The following LARGE1 variants were observed in gnomAD, a reference collection of about 807,000 sequenced individuals.
LARGE1 encodes the protein LARGE xylosyl- and glucuronyltransferase 1.
LARGE1 carries 43 observed loss-of-function variants against 87.6 expected under a neutral mutation model. The observed-to-expected ratio is 0.49, with a 90% CI of 0.38 to 0.63. The LOEUF (loss-of-function observed/expected upper bound fraction) is 0.63. Among genes scored for constraint, LARGE1 ranks in the 30% least tolerant of loss-of-function variants. The pLI is 0.00. For missense variants in LARGE1, 802 were observed against 1,000.2 expected, an observed-to-expected ratio of 0.80 and a Z score of 2.67; for synonymous variants, 434 against 394.6, an observed-to-expected ratio of 1.10 and a Z score of -1.18.
chr22:33,449,722 G>A (rs1232818896), intron 6 of LARGE1, among the ~76,000 whole-genome samples: 1 of 152,210 alleles, frequency 6.6e-6, no homozygotes, highest in Non-Finnish European at 1.5e-5. Flanking sequence ...TTCGAGGAGA[G>A]CAATCAATTG....
the LARGE1 span, among the ~76,000 whole-genome samples, chr22:33,091,120 C>A: frequency 6.6e-6 from 1 of 152,154 alleles, no homozygotes; most frequent in African/African-American, 2.4e-5. Context: ...TTCTGCAAGC[C>A]GATCAACTCC....
intron 1 of LARGE1, among the ~76,000 whole-genome samples, chr22:33,832,735 C>T (rs577577851): frequency 6.6e-6 from 1 of 152,350 alleles, no homozygotes; most frequent in Non-Finnish European, 1.5e-5. Flanking sequence ...ACCGGTCCAG[C>T]TCAGCAGGCA....
At chr22:33,785,266 T>C (rs1033025395) in intron 1 of LARGE1, among the ~76,000 whole-genome samples, 18 of 151,902 alleles carry the variant, frequency 1.2e-4, no homozygotes, top group Admixed American at 3.9e-4. Context: ...TGTGTATATG[T>C]GCATATGTGT....
chr22:33,799,807 TTG>T (rs1003177652), intron 1 of LARGE1, among the ~76,000 whole-genome samples: 6 of 152,084 alleles, frequency 3.9e-5, no homozygotes, highest in African/African-American at 1.4e-4. Flanking sequence ...GAAGAAGACT[TTG>T]TGTATTGGTA....
intron 3 of LARGE1, among the ~76,000 whole-genome samples, chr22:33,638,220 G>A (rs1731428719): frequency 6.6e-6 from 1 of 152,184 alleles, no homozygotes; most frequent in South Asian, 2.1e-4. Context: ...AATAGAAAAA[G>A]TGCATTAAAA....
chr22:33,687,119 G>C (rs1328499338), intron 2 of LARGE1, among the ~76,000 whole-genome samples: 1 of 150,706 alleles, frequency 6.6e-6, no homozygotes, highest in Admixed American at 6.6e-5. Flanking sequence ...TCAGATCTTT[G>C]CTTGGCTTCC....
intron 2 of LARGE1, among the ~76,000 whole-genome samples, chr22:33,716,829 T>C (rs2082923111): frequency 6.6e-6 from 1 of 152,202 alleles, no homozygotes; most frequent in Admixed American, 6.5e-5. Flanking sequence ...TGTTGGCTCA[T>C]AGTTGAAGAC....
At chr22:33,913,225 C>T (rs763516552) in intron 1 of LARGE1, among the ~76,000 whole-genome samples, 29 of 152,202 alleles carry the variant, frequency 1.9e-4, no homozygotes, top group Non-Finnish European at 8.8e-5. Context: ...ATTATAAAAA[C>T]TCAGAATCCT....
intron 1 of LARGE1, among the ~76,000 whole-genome samples, chr22:33,794,278 T>G (rs2085914405): frequency 6.6e-6 from 1 of 152,316 alleles, no homozygotes; most frequent in South Asian, 2.1e-4. Context: ...CTGAGTCTGA[T>G]TCTTCTCAGG....
At position 33,700,848 on chromosome 22, in the gene LARGE1, T is replaced by C. The variant is rs139673252; in HGVS notation, c.107-50180A>G. ...GCAATCTGCAGTAGTTTAGGTACCTTTTAAGCTTGTAGGAAAGGTTGACAA... is the reference window on the plus strand; with the variant it reads ...GCAATCTGCAGTAGTTTAGGTACCTCTTAAGCTTGTAGGAAAGGTTGACAA... On this transcript the variant is annotated intron_variant, in intron 2 of 14. Transcript: ENST00000397394. Among the ~76,000 whole-genome samples the C allele has an allele frequency of 4.5e-3, 687 of 152,262 alleles. 4 individuals carry two copies. The highest frequency in any genetic ancestry group is 0.015 in the African/African-American group (609 of 41,558).
At chr22:33,437,936 A>G (rs750423693) in intron 6 of LARGE1, among the ~76,000 whole-genome samples, 2 of 152,076 alleles carry the variant, frequency 1.3e-5, no homozygotes, top group Non-Finnish European at 2.9e-5. Flanking sequence ...TACCTGCTAG[A>G]CAAGTTGGAT....
chr22:33,814,142 T>G (rs1381480713), intron 1 of LARGE1, among the ~76,000 whole-genome samples: 1 of 152,172 alleles, frequency 6.6e-6, no homozygotes, highest in Non-Finnish European at 1.5e-5. Context: ...TTCGACCATT[T>G]CAAATTCCAG....
At chr22:33,516,997 G>A (rs181129476) in intron 6 of LARGE1, among the ~76,000 whole-genome samples, 7 of 152,174 alleles carry the variant, frequency 4.6e-5, no homozygotes, top group Non-Finnish European at 1.0e-4. Context: ...AGGCAAACAC[G>A]CACTCTTATA....
intron 2 of LARGE1, among the ~76,000 whole-genome samples, chr22:33,691,912 G>T (rs1370350135): frequency 2.6e-5 from 4 of 152,150 alleles, no homozygotes; most frequent in Admixed American, 6.5e-5. Context: ...TCTCCTAAGT[G>T]AAGAGGGTTT....
chr22:33,158,626 T>G (rs545111082), downstream of LARGE1, among the ~76,000 whole-genome samples: 7 of 152,282 alleles, frequency 4.6e-5, no homozygotes, highest in Admixed American at 1.3e-4. Context: ...GGCCTCTCCA[T>G]GGGAATTGTA....
the LARGE1 span, among the ~76,000 whole-genome samples, chr22:33,151,785 G>C: frequency 6.6e-6 from 1 of 152,010 alleles, no homozygotes; most frequent in Non-Finnish European, 1.5e-5. Flanking sequence ...AAATCTGCTT[G>C]GTTGTGGTAT....
At chr22:33,505,915 C>A (rs755976236) in intron 6 of LARGE1, among the ~76,000 whole-genome samples, 3 of 152,140 alleles carry the variant, frequency 2.0e-5, no homozygotes, top group African/African-American at 7.2e-5. Context: ...TTCTATTAGA[C>A]AAAGCACCAC....
intron 11 of LARGE1, among the ~76,000 whole-genome samples, chr22:33,185,747 C>T (rs889660068): frequency 6.6e-6 from 1 of 152,056 alleles, no homozygotes; most frequent in African/African-American, 2.4e-5. Context: ...ATTAATAAAA[C>T]CGAAAGTCTG....
At chr22:33,556,564 GAGGCAGGCAGGC>G (rs1170450606) in intron 6 of LARGE1, among the ~76,000 whole-genome samples, 112 of 59,928 alleles carry the variant, frequency 1.9e-3, no homozygotes, top group African/African-American at 5.3e-3. Flanking sequence ...GGGAGGGAGG[GAGGCAGGCAGGC>G]AGGCAGGCAG....
Sources: gnomAD v4.1 joint callset for allele counts (sites outside exome capture counted in the v4.1 genomes callset) on GRCh38, gnomAD v4.1.1 for gene constraint, MANE v1.5 for transcripts, NCBI Gene and HGNC (gene_info 2026-07-23, HGNC 2026-07-21) for gene names.